Variants in NPHP4 observed in about 807,000 individuals in gnomAD.
The protein encoded by NPHP4 is nephrocystin 4, also known as nephrocystin-4.
NPHP4 carries 151 observed loss-of-function variants against 155.8 expected under a neutral mutation model. The observed-to-expected ratio is 0.97, with a 90% CI of 0.85 to 1.11. The LOEUF is 1.11. NPHP4 is among the 50% of genes least tolerant of loss of function. The pLI is 0.00. For missense variants in NPHP4, 1,956 were observed against 1,925.7 expected (o/e 1.02, Z -0.29); for synonymous variants, 845 against 816.8 (o/e 1.03, Z -0.59).
At position 5,893,316 on chromosome 1, in the gene NPHP4, G is replaced by A. The variant is rs185047654; in HGVS notation, c.2144-2288C>T. On this transcript the variant is annotated intron_variant, in intron 16 of 29. Coordinates refer to ENST00000378156, the MANE Select transcript of NPHP4 (RefSeq NM_015102.5). ...ATGCGCAGAGACCGGTAGTGGCCCC[G>A]AATGTCTGGTTGCGCTGTTATTTAT... 4.4e-4 allele frequency among the ~76,000 whole-genome samples: 67 copies of A among 152,226 alleles called. No individual in the cohort carries two copies. In the East Asian group the frequency reaches 0.01, roughly 24 times the overall value.
chr1:5,914,760 A>T (rs926058142), intron 11 of NPHP4, among the ~76,000 whole-genome samples: 25 of 152,190 alleles, frequency 1.6e-4, no homozygotes, highest in Admixed American at 3.9e-4. Context: ...CTTCATTGAG[A>T]TGTCTTCCTA....
chr1:5,884,476 A>T (rs1442165281), intron 18 of NPHP4, among the ~76,000 whole-genome samples: 1 of 148,750 alleles, frequency 6.7e-6, no homozygotes, highest in Non-Finnish European at 1.5e-5. Flanking sequence ...CCAAGCTCCC[A>T]GCCGAGCCCC....
At chr1:5,939,959 T>C (rs992657949) in intron 9 of NPHP4, among the ~76,000 whole-genome samples, 1 of 151,630 alleles carries the variant, frequency 6.6e-6, no homozygotes, top group African/African-American at 2.4e-5. Context: ...GAGGATGAGG[T>C]GGGGCCAGCA....
Position 5,905,595 on chromosome 1 carries a change from C to T in NPHP4, c.1763+37G>A, listed in dbSNP as rs563450687. Reference sequence around the variant, plus strand: ...GGTCCAACAGTCTGACGGCACAGCACGTGACTGGTTCCATCCCACCCAGAC... The same window carrying T: ...GGTCCAACAGTCTGACGGCACAGCATGTGACTGGTTCCATCCCACCCAGAC... On this transcript the variant is annotated intron_variant, in intron 14 of 29. Transcript: ENST00000378156. The surrounding 1 kb of genome is among the most constrained non-coding windows in gnomAD (Gnocchi z 4.0). 35 of 1,611,996 alleles carry T rather than the reference C, an allele frequency of 2.2e-5. No homozygotes were observed. The highest frequency in any genetic ancestry group is 3.3e-5 in the Admixed American group (2 of 59,856).
At position 5,985,124 on chromosome 1, in the gene NPHP4, T is replaced by C. The variant is rs148775790; in HGVS notation, c.135+1031A>G. 1.8e-3 allele frequency among the ~76,000 whole-genome samples: 279 copies of C among 152,310 alleles called. 2 individuals carry two copies. The highest frequency in any genetic ancestry group is 6.3e-3 in the African/African-American group (263 of 41,564). ...AATCCAAGGGCTTGGAATTGAACGA[T>C]ATAGAACATCAGTGATTTAATAATA... On this transcript the variant is annotated intron_variant, in intron 2 of 29. Transcript: ENST00000378156.
intron 6 of NPHP4, among the ~76,000 whole-genome samples, chr1:5,959,729 C>T (rs1402952245): frequency 2.0e-5 from 3 of 152,034 alleles, no homozygotes; most frequent in Admixed American, 6.6e-5. Flanking sequence ...TCAGTATCCA[C>T]CAGGTGACAT....
chr1:5,883,560 C>A (rs1371310620), intron 18 of NPHP4, among the ~76,000 whole-genome samples: 2 of 152,214 alleles, frequency 1.3e-5, no homozygotes, highest in Non-Finnish European at 2.9e-5. Flanking sequence ...GTCCCGAGGA[C>A]CTGCTCCAAG....
chr1:5,936,551 G>C (rs1159316152), intron 9 of NPHP4, among the ~76,000 whole-genome samples: 1 of 151,220 alleles, frequency 6.6e-6, no homozygotes. Flanking sequence ...ACACCGAATT[G>C]CTCCCATTTA....
chr1:5,931,852 A>G (rs1267224964), intron 10 of NPHP4, among the ~76,000 whole-genome samples: 1 of 151,964 alleles, frequency 6.6e-6, no homozygotes, highest in African/African-American at 2.4e-5. Context: ...AGGTAGGAGG[A>G]TCCCTTGAAC....
At chr1:5,969,639 C>A (rs1652202303) in intron 3 of NPHP4, among the ~76,000 whole-genome samples, 1 of 152,218 alleles carries the variant, frequency 6.6e-6, no homozygotes, top group African/African-American at 2.4e-5. Flanking sequence ...CAGGGGGACA[C>A]ACCAGGTAGG....
At position 5,880,102 on chromosome 1, in the gene NPHP4, G is replaced by A. The variant is rs772779774; in HGVS notation, c.2611+12C>T. The A allele has an allele frequency of 1.2e-6, 2 of 1,613,642 alleles. No homozygotes were observed. Among genetic ancestry groups the A allele is most frequent in the South Asian group, 1.1e-5 (1 of 90,998 alleles). ...GACCCACCCACACATGGGCCCAACA[G>A]TGTAAACTCACGCCTTGAGCTTCCA... On this transcript the variant is annotated intron_variant, in intron 19 of 29. Coordinates refer to ENST00000378156, the MANE Select transcript of NPHP4 (RefSeq NM_015102.5).
At chr1:5,870,498 G>A (rs545096844) in intron 23 of NPHP4, among the ~76,000 whole-genome samples, 10 of 152,210 alleles carry the variant, frequency 6.6e-5, no homozygotes, top group South Asian at 4.2e-4. Flanking sequence ...CAACCAACTC[G>A]GGCCAGGTCA....
At chr1:5,955,071 A>C (rs1185283155) in intron 6 of NPHP4, among the ~76,000 whole-genome samples, 2 of 152,142 alleles carry the variant, frequency 1.3e-5, no homozygotes, top group Non-Finnish European at 2.9e-5. Context: ...AATGGGCAAA[A>C]GGCCTTAACA....
chr1:5,922,542 GTTTT>G lies in NPHP4; in HGVS notation c.1441+5103_1441+5106del, dbSNP rs57418765. Among the ~76,000 whole-genome samples, 546 of 147,134 alleles carry G rather than the reference GTTTT, an allele frequency of 3.7e-3. 4 individuals carry two copies. Among genetic ancestry groups the G allele is most frequent in the African/African-American group, 0.013 (527 of 40,544 alleles). On this transcript the variant is annotated intron_variant, in intron 11 of 29. Transcript: ENST00000378156. ...ATTGCCTTGGCTATTCTTGACTATG[GTTTT>G]TTTTTTTAATTAAAAAATAACCCCA...
At chr1:5,942,795 G>A (rs572274775) in intron 9 of NPHP4, among the ~76,000 whole-genome samples, 3 of 152,226 alleles carry the variant, frequency 2.0e-5, no homozygotes, top group Non-Finnish European at 4.4e-5. Flanking sequence ...CAATAAATCA[G>A]GCAAATCTTC....
chr1:5,917,385 C>T (rs1291390627), intron 11 of NPHP4, among the ~76,000 whole-genome samples: 2 of 152,020 alleles, frequency 1.3e-5, no homozygotes, highest in Non-Finnish European at 2.9e-5. Flanking sequence ...GAAGCCAACA[C>T]TGAAGAAAGG....
At chr1:5,914,934 G>C (rs1645388081) in intron 11 of NPHP4, among the ~76,000 whole-genome samples, 1 of 152,194 alleles carries the variant, frequency 6.6e-6, no homozygotes, top group Non-Finnish European at 1.5e-5. Context: ...CCCGCACCCT[G>C]AAACGCACCT....
intron 18 of NPHP4, among the ~76,000 whole-genome samples, chr1:5,885,392 C>A (rs958461093): frequency 7.9e-5 from 12 of 152,056 alleles, no homozygotes; most frequent in Non-Finnish European, 1.8e-4. Flanking sequence ...AGCTCCCAGC[C>A]GAACCCATCC....
At chr1:5,923,399 C>T (rs563878825) in intron 11 of NPHP4, among the ~76,000 whole-genome samples, 1 of 152,222 alleles carries the variant, frequency 6.6e-6, no homozygotes, top group African/African-American at 2.4e-5. Context: ...AAGGCCTACC[C>T]TGACCCCAGC....
Sources: gnomAD v4.1 joint callset for allele counts (sites outside exome capture counted in the v4.1 genomes callset) on GRCh38, gnomAD v4.1.1 for gene constraint, Gnocchi (gnomAD v3.1) non-coding constraint, MANE v1.5 for transcripts, NCBI Gene and HGNC (gene_info 2026-07-23, HGNC 2026-07-21) for gene names.